The following ULK1 variants were observed in gnomAD, a reference collection of about 807,000 sequenced individuals.
The protein encoded by ULK1 is unc-51 like autophagy activating kinase 1.
In ULK1, 48 loss-of-function variants were observed where a neutral mutation model predicts 117.5. The ratio of observed to expected loss-of-function variants is 0.41; its 90% confidence interval spans 0.32 to 0.52. The LOEUF is 0.52. Ranked by LOEUF, ULK1 falls within the 20% of genes least tolerant of loss-of-function variation. ULK1 has a pLI of 0.29. For synonymous variants in ULK1, 790 were observed against 637.8 expected (o/e 1.24, Z -3.60); for missense variants, 1,387 against 1,473.4 (o/e 0.94, Z 0.96).
chr12:131,920,180 C>A, intron 26 of ULK1, 44 bp downstream of exon 26: 1 of 1,593,262 alleles, frequency 6.3e-7, no homozygotes. Flanking sequence ...CCAGGAACTT[C>A]CAGGCCCGCC....
chr12:131,894,882 C>T lies in ULK1; in HGVS notation c.-120C>T, dbSNP rs1333294296. ...GCGCGGCCCCGGAGATGCGCCCTCG[C>T]CCGGCCCCGCGCCCCCGGCCCCGCG... On this transcript the variant is annotated 5_prime_UTR_variant, in exon 1 of 28. Coordinates refer to ENST00000321867, the MANE Select transcript of ULK1 (RefSeq NM_003565.4). 2 of 224,650 alleles carry T rather than the reference C, an allele frequency of 8.9e-6. No individual in the cohort carries two copies. Among genetic ancestry groups the T allele is most frequent in the Non-Finnish European group, 1.4e-5 (2 of 138,684 alleles). 13.9% of individuals were successfully genotyped at this position (224,650 alleles called of 1,614,324 possible).
intron 16 of ULK1, among the ~76,000 whole-genome samples, 181 bp downstream of exon 16, chr12:131,914,658 A>G (rs1364401445): frequency 1.3e-5 from 2 of 152,380 alleles, no homozygotes; most frequent in East Asian, 3.9e-4. Flanking sequence ...TTATTTTGAC[A>G]GTTTTCTGAT....
At position 131,903,399 on chromosome 12, in the gene ULK1, A is replaced by T. The variant is rs999272699; in HGVS notation, c.247-3493A>T. On this transcript the variant is annotated intron_variant, in intron 3 of 27. Transcript: ENST00000321867. This position sits in a 1 kb window ranked among gnomAD's most constrained non-coding sequence, Gnocchi z 6.0. ...TGTGCTGCCATTTCCCAGCCTGGGCACGCCTCCCAACCTCTGGGGCCTCAG... is the reference window on the plus strand; with the variant it reads ...TGTGCTGCCATTTCCCAGCCTGGGCTCGCCTCCCAACCTCTGGGGCCTCAG... Among the ~76,000 whole-genome samples the T allele has an allele frequency of 1.8e-4, 27 of 152,116 alleles. No homozygotes were observed. The highest frequency in any genetic ancestry group is 1.5e-5 in the Non-Finnish European group (1 of 68,022).
Position 131,916,114 on chromosome 12 carries a change from C to T in ULK1, c.1833C>T (p.Phe611=), listed in dbSNP as rs1026303104. Residue 611 remains phenylalanine, a synonymous_variant, in exon 19 of 28, where the codon TTC becomes TTT. Transcript: ENST00000321867. ...GGGGCTCACCCAAGCTGCCCGACTTCCTGCAGCGAAACCCCCTGCCCCCCA... is the reference window on the plus strand; with the variant it reads ...GGGGCTCACCCAAGCTGCCCGACTTTCTGCAGCGAAACCCCCTGCCCCCCA... ...NLRGSPKLPD[F]LQRNPLPPIL... 6.2e-7 allele frequency: 1 copy of T among 1,612,514 alleles called. No homozygotes were observed. Among genetic ancestry groups the T allele is most frequent in the African/African-American group, 1.3e-5 (1 of 74,936 alleles).
At position 131,909,906 on chromosome 12, in the gene ULK1, C is replaced by T. The variant is rs936749329; in HGVS notation, c.726-13C>T. 1 of 1,611,666 alleles carries T rather than the reference C, an allele frequency of 6.2e-7. No individual in the cohort carries two copies. The highest frequency in any genetic ancestry group is 1.3e-5 in the African/African-American group (1 of 74,924). ...CCGCAGGCCCTGCTCACACCAGCCT[C>T]CTCTTGCCCCAGCATCCCCCGGGAG... On this transcript the variant is annotated splice_polypyrimidine_tract_variant and intron_variant, in intron 9 of 27. Coordinates refer to ENST00000321867, the MANE Select transcript of ULK1 (RefSeq NM_003565.4).
rs545685871 is a variant in ULK1, at chr12:131,909,168, C to T, written c.597C>T (p.Asp199=). Reference sequence around the variant, plus strand: ...AGGTCATCATGTCCCAGCACTACGACGGGAAGGCGGACCTGTGGAGCATCG... The same window carrying T: ...AGGTCATCATGTCCCAGCACTACGATGGGAAGGCGGACCTGTGGAGCATCG... The part of the protein sequence containing the change: ...APEVIMSQHY[D]GKADLWSIGT... The change falls in exon 8 of 28, where the codon GAC becomes GAT. Residue 199 remains aspartate (D), a synonymous_variant. Transcript: ENST00000321867. The T allele has an allele frequency of 9.2e-5, 148 of 1,610,000 alleles. No individual in the cohort carries two copies. In the South Asian group the frequency reaches 1.3e-3, roughly 14 times the overall value.
In ULK1 at chr12:131,917,484, G is replaced by A. The variant is rs576667051; in HGVS notation, c.2256G>A (p.Val752=). 3.1e-5 allele frequency: 46 copies of A among 1,506,282 alleles called. No individual in the cohort carries two copies. The African/African-American group carries it at 4.3e-4, about 14-fold the overall frequency. The allele number at this position is 1,506,282 out of a possible 1,614,324, so 93.3% of individuals were successfully genotyped here. A position where few individuals can be genotyped will look rare whatever the true frequency, so the allele number is the denominator to read the frequency against. ...GGGGCACCAGCAGCCCTTCCCCGGT[G>A]GTCTTCACCGTGGGCTCTCCCCCGA... ...RAGGTSSPSP[V]VFTVGSPPSG... The change falls in exon 22 of 28, where the codon GTG becomes GTA. Residue 752 remains valine (V), a synonymous_variant. Transcript: ENST00000321867.
rs2136414985 is a variant in ULK1 at position 131,920,014 on chromosome 12, G to A, written c.2839G>A (p.Val947Met). The A allele has an allele frequency of 5.0e-6, 8 of 1,612,852 alleles. No homozygotes were observed. The highest frequency in any genetic ancestry group is 6.8e-6 in the Non-Finnish European group (8 of 1,179,958). ...GCTGAATGAGCTGTACAAGGCCAGC[G>A]TGGTGTCCTGCCAGGGCCTGAGCCT... ...RRLNELYKAS[V>M]VSCQGLSLRL... Residue 947 changes from valine to methionine, a missense_variant, in exon 26 of 28, where the codon GTG (valine) becomes ATG (methionine). Coordinates refer to ENST00000321867, the MANE Select transcript of ULK1 (RefSeq NM_003565.4).
chr12:131,897,585 GAGT>G (rs1226552975), intron 3 of ULK1: 1 of 152,042 alleles, frequency 6.6e-6, no homozygotes, highest in Non-Finnish European at 1.5e-5. Context: ...GTCTCTAAAA[GAGT>G]AGAGCTTGGG....
At chr12:131,917,576 G>T (rs781377500) in intron 22 of ULK1, 22 bp downstream of exon 22, 6 of 1,385,948 alleles carry the variant, frequency 4.3e-6, no homozygotes, top group Non-Finnish European at 5.6e-6. Flanking sequence ...CTAGGCTGAA[G>T]CCCTGTCCCT....
At chr12:131,904,885 C>T in intron 3 of ULK1, among the ~76,000 whole-genome samples, 1 of 152,256 alleles carries the variant, frequency 6.6e-6, no homozygotes, top group Middle Eastern at 3.4e-3. Context: ...TCATCTCCCC[C>T]TCCTTCCTGG....
chr12:131,910,871 C>T (rs897866967), intron 12 of ULK1, 71 bp downstream of exon 12: 8 of 1,592,604 alleles, frequency 5.0e-6, no homozygotes, highest in Middle Eastern at 1.8e-4. Context: ...GCCCTGGGCC[C>T]CCGCGGGGAC....
In ULK1 at chr12:131,918,721, A is replaced by AAGGTGTGTGGGGTGTC. The variant is rs1889974448; in HGVS notation, c.2511+40_2511+41insAGGTGTGTGGGGTGTC. On this transcript the variant is annotated intron_variant, in intron 23 of 27. Coordinates refer to ENST00000321867, the MANE Select transcript of ULK1 (RefSeq NM_003565.4). ...GAGCAAAGGTTCCCATTCTGGCTGGAGGGTGTGTGGGGTGTGTGGGGTGTC... is the reference window on the plus strand; with the variant it reads ...GAGCAAAGGTTCCCATTCTGGCTGGAAGGTGTGTGGGGTGTCGGGTGTGTGGGGTGTGTGGGGTGTC... The AAGGTGTGTGGGGTGTC allele has an allele frequency of 5.4e-5, 59 of 1,089,358 alleles. 1 individual carries two copies. In the East Asian group the frequency reaches 2.4e-3, roughly 45 times the overall value. 67.5% of individuals were successfully genotyped at this position (1,089,358 alleles called of 1,614,324 possible).
At position 131,921,311 on chromosome 12, in the gene ULK1, C is replaced by G; in HGVS notation, c.3103C>G (p.Leu1035Val). The change falls in exon 28 of 28, where the codon CTG (leucine) becomes GTG (valine). Residue 1035 changes from leucine to valine, a missense_variant. Physicochemically the swap from Leu to Val is conservative, Grantham distance 32 (BLOSUM62 1). Coordinates refer to ENST00000321867, the MANE Select transcript of ULK1 (RefSeq NM_003565.4). ...ADIENVTKCK[L>V]CIERRLSALL... The stretch of plus-strand genomic sequence containing the variant: ...ACTCCCCTCTCCCTCCACAGGCAAG[C>G]TGTGCATTGAGCGGAGACTCTCGGC... 1 of 1,607,870 alleles carries G rather than the reference C, an allele frequency of 6.2e-7. No individual in the cohort carries two copies. Among genetic ancestry groups the G allele is most frequent in the South Asian group, 1.1e-5 (1 of 91,092 alleles).
rs751740080 is a variant in ULK1, at chr12:131,910,724, C to T, written c.872C>T (p.Pro291Leu). ...ATGTTTATCTCAGCCCCACCCGTGC[C>T]TGTGCCCTCGTACCCAAGCTCGGGG... is the stretch of plus-strand genomic sequence containing the variant. Reference protein sequence around the residue: ...SPSVRKSPPVPVPSYPSSGSG... With the variant: ...SPSVRKSPPVLVPSYPSSGSG... Residue 291 changes from proline (P) to leucine (L), a missense_variant, in exon 12 of 28, where the codon CCT becomes CTT. This residue lies in a region of ULK1 where 260 missense variants were observed against 271.6 expected (regional missense o/e 0.96). Transcript: ENST00000321867. 2 of 1,613,098 alleles carry T rather than the reference C, an allele frequency of 1.2e-6. No homozygotes were observed. Among genetic ancestry groups the T allele is most frequent in the South Asian group, 1.1e-5 (1 of 91,082 alleles).
intron 16 of ULK1, 64 bp downstream of exon 16, chr12:131,914,541 C>T (rs1026647591): frequency 1.9e-5 from 30 of 1,560,992 alleles, no homozygotes; most frequent in Middle Eastern, 3.7e-4. Context: ...AGCCCTTCCA[C>T]GGCTCCCATA....
Position 131,902,761 on chromosome 12 carries a change from G to A in ULK1, c.247-4131G>A, listed in dbSNP as rs1387967124. Among the ~76,000 whole-genome samples the A allele has an allele frequency of 6.6e-6, 1 of 152,098 alleles. No homozygotes were observed. Among genetic ancestry groups the A allele is most frequent in the South Asian group, 2.1e-4 (1 of 4,826 alleles). ...GGGCGGTGTGGCCACAACTGTGTGT[G>A]TCACCACGGGACGGACCCCCGGACC... On this transcript the variant is annotated intron_variant, in intron 3 of 27. Transcript: ENST00000321867. This position sits in a 1 kb window ranked among gnomAD's most constrained non-coding sequence, Gnocchi z 6.3.
Position 131,908,663 on chromosome 12 carries a change from G to T in ULK1, c.336G>T (p.Glu112Asp). ...CCGCAGCCATGCGCACGCTGAGCGA[G>T]GACACCATCAGGCTCTTCCTGCAGC... is the stretch of plus-strand genomic sequence containing the variant. ...DYLHAMRTLSEDTIRLFLQQI... is the reference protein window; with the variant it reads ...DYLHAMRTLSDDTIRLFLQQI... The change falls in exon 6 of 28, where the codon GAG (glutamate) becomes GAT (aspartate). Residue 112 changes from glutamate to aspartate, a missense_variant. Around this residue, in one of 4 missense-constraint regions of ULK1, gnomAD observed 224 missense variants for 325.2 expected, o/e 0.69. Coordinates refer to ENST00000321867, the MANE Select transcript of ULK1 (RefSeq NM_003565.4). 6.4e-7 allele frequency: 1 copy of T among 1,557,666 alleles called. No homozygotes were observed. The highest frequency in any genetic ancestry group is 1.9e-5 in the Admixed American group (1 of 51,576).
intron 25 of ULK1, 185 bp from the exon 26 acceptor site, chr12:131,919,794 G>C: frequency 1.9e-6 from 2 of 1,046,564 alleles, no homozygotes; most frequent in South Asian, 3.2e-5. Context: ...GAGCACAGAG[G>C]CCGTGGGGTC....
Sources: allele counts gnomAD v4.1 joint callset (sites outside exome capture counted in the v4.1 genomes callset), GRCh38; gene constraint gnomAD v4.1.1; regional missense constraint gnomAD v4.1.1; non-coding constraint Gnocchi (gnomAD v3.1); transcripts MANE v1.5; gene names NCBI Gene and HGNC (gene_info 2026-07-23, HGNC 2026-07-21).